The following DNAH17 variants were observed in gnomAD, a reference collection of about 807,000 sequenced individuals.
The protein encoded by DNAH17 is dynein axonemal heavy chain 17.
DNAH17 carries 376 observed loss-of-function variants against 485.6 expected under a neutral mutation model. That is an observed-to-expected ratio of 0.77 (90% CI 0.71 to 0.84). DNAH17 has a LOEUF of 0.84. DNAH17 is among the 40% of genes least tolerant of loss of function. The pLI is 0.00. For synonymous variants in DNAH17, 3,031 were observed against 2,405.9 expected, an observed-to-expected ratio of 1.26 and a Z score of -7.60; for missense variants, 6,370 against 5,839.3, an observed-to-expected ratio of 1.09 and a Z score of -2.96.
rs933030533 is a variant in DNAH17, at chr17:78,552,179, G to A, written c.2287+518C>T. Reference sequence around the variant, plus strand: ...AGAATGTGTGGACCCTTCACCCCACGTAGGAGCCCCAGACTCCTCACGTTA... The same window carrying A: ...AGAATGTGTGGACCCTTCACCCCACATAGGAGCCCCAGACTCCTCACGTTA... On this transcript the variant is annotated intron_variant, in intron 15 of 80. Transcript: ENST00000389840. 5.9e-5 allele frequency among the ~76,000 whole-genome samples: 9 copies of A among 152,270 alleles called. No homozygotes were observed. In the East Asian group the frequency reaches 1.3e-3, roughly 23 times the overall value.
At chr17:78,544,798 CTCAAAAAAA>C (rs2091708196) in intron 16 of DNAH17, among the ~76,000 whole-genome samples, 1 of 14,460 alleles carries the variant, frequency 6.9e-5, no homozygotes. Flanking sequence ...GAGACTCAGT[CTCAAAAAAA>C]AAAAAAAAAA....
At position 78,424,120 on chromosome 17, in the gene DNAH17, G is replaced by T. The variant is rs1383197812; in HGVS notation, c.13175C>A (p.Ala4392Asp). 5.0e-6 allele frequency: 8 copies of T among 1,613,482 alleles called. 1 individual carries two copies. In the East Asian group the frequency reaches 1.3e-4, roughly 27 times the overall value. ...ARWDTQTGVI[A>D]EARLKELTPA... ...GGTCAGCTCTTTCAGCCGCGCTTCA[G>T]CGATGACTCCAGTCTGGGTGTCCCA... is the stretch of plus-strand genomic sequence containing the variant. The change falls in exon 81 of 81, where the codon GCT (alanine) becomes GAT (aspartate). Residue 4392 changes from alanine to aspartate, a missense_variant. Transcript: ENST00000389840.
rs781076509 is a variant in DNAH17, at chr17:78,494,089, G to A, written c.6355C>T (p.Gln2119Ter). The change falls in exon 41 of 81, where the codon CAG becomes TAG. Residue 2119 changes from glutamine (Q) to a stop codon, truncating the protein, a stop_gained. Coordinates refer to ENST00000389840, the MANE Select transcript of DNAH17 (RefSeq NM_173628.4). LOFTEE classifies it high-confidence loss of function. ...LKVVQLEELL[Q>*]VRHSVFIVGN... is the part of the protein sequence containing the mutation. ...ACGATGAACACGGAGTGGCGGACCT[G>A]CAGCAGCTCCTCCAGCTGCACCACC... 28 of 1,612,698 alleles carry A rather than the reference G, an allele frequency of 1.7e-5. No individual in the cohort carries two copies. Among genetic ancestry groups the A allele is most frequent in the Non-Finnish European group, 2.4e-5 (28 of 1,179,832 alleles).
At chr17:78,521,225 G>A (rs1396344374) in intron 25 of DNAH17, among the ~76,000 whole-genome samples, 3 of 152,006 alleles carry the variant, frequency 2.0e-5, no homozygotes, top group African/African-American at 7.2e-5. Flanking sequence ...GGCCAACATG[G>A]CGAAACCCCA....
At chr17:78,473,883 T>C (rs1321539635) in intron 54 of DNAH17, among the ~76,000 whole-genome samples, 3 of 152,178 alleles carry the variant, frequency 2.0e-5, no homozygotes, top group Non-Finnish European at 4.4e-5. Context: ...CAGATACCAA[T>C]GTGAACTAAC....
At chr17:78,503,864 G>A (rs1307254314) in intron 31 of DNAH17, among the ~76,000 whole-genome samples, 3 of 152,040 alleles carry the variant, frequency 2.0e-5, no homozygotes, top group Admixed American at 6.5e-5. Flanking sequence ...TACTCTGGAG[G>A]CTTAGACAGG....
At chr17:78,463,960 G>T (rs985531394) in intron 56 of DNAH17, among the ~76,000 whole-genome samples, 1 of 152,214 alleles carries the variant, frequency 6.6e-6, no homozygotes, top group Admixed American at 6.5e-5. Flanking sequence ...TGCTCCAAGG[G>T]ACACCTTTGA....
Position 78,444,678 on chromosome 17 carries a change from C to T in DNAH17, c.11454G>A (p.Trp3818Ter). ...APEKEIFPKEWKNKTALQKLC... is the reference protein window; with the variant it reads ...APEKEIFPKE ...GCTTCTGCAGGGCCGTCTTGTTCTTCCACTCCTTGGGGAAGATCTCCTTCT... is the reference window on the plus strand; with the variant it reads ...GCTTCTGCAGGGCCGTCTTGTTCTTTCACTCCTTGGGGAAGATCTCCTTCT... Residue 3818 changes from tryptophan (W) to a stop codon, truncating the protein, a stop_gained, in exon 71 of 81, where the codon TGG (tryptophan) becomes TGA (stop). Transcript: ENST00000389840. LOFTEE classifies it high-confidence loss of function. 1.2e-6 allele frequency: 2 copies of T among 1,611,058 alleles called. No homozygotes were observed.
intron 58 of DNAH17, among the ~76,000 whole-genome samples, chr17:78,461,214 A>G (rs1405935035): frequency 6.6e-6 from 1 of 151,846 alleles, no homozygotes; most frequent in Admixed American, 6.6e-5. Flanking sequence ...TTTCGTTACC[A>G]TGCAGGCCCC....
At chr17:78,478,624 T>C (rs1410734685) in intron 51 of DNAH17, among the ~76,000 whole-genome samples, 4 of 114,346 alleles carry the variant, frequency 3.5e-5, no homozygotes, top group African/African-American at 1.6e-4. Flanking sequence ...TCACCCCCAT[T>C]ATTATAATCA....
At chr17:78,478,244 TC>T (rs2089172174) in intron 51 of DNAH17, among the ~76,000 whole-genome samples, 5 of 130,416 alleles carry the variant, frequency 3.8e-5, no homozygotes, top group African/African-American at 6.4e-5. Flanking sequence ...ACCACCATCA[TC>T]ACCACCATCA....
At position 78,434,203 on chromosome 17, in the gene DNAH17, G is replaced by A. The variant is rs1353302767; in HGVS notation, c.12051C>T (p.Cys4017=). 6.2e-7 allele frequency: 1 copy of A among 1,611,286 alleles called. No homozygotes were observed. The highest frequency in any genetic ancestry group is 8.5e-7 in the Non-Finnish European group (1 of 1,178,100). ...DLFTQDTLEM[C]TKEMEFKCML... ...TGCACTTGAACTCCATCTCCTTGGT[G>A]CACATCTCCAGGGTGTCCTGTGGGG... The change falls in exon 75 of 81, where the codon TGC becomes TGT. Residue 4017 remains cysteine, a synonymous_variant. Coordinates refer to ENST00000389840, the MANE Select transcript of DNAH17 (RefSeq NM_173628.4).
chr17:78,487,271 G>T (rs1345543632), intron 44 of DNAH17, among the ~76,000 whole-genome samples: 2 of 152,184 alleles, frequency 1.3e-5, no homozygotes, highest in African/African-American at 4.8e-5. Flanking sequence ...TCTGTAAACA[G>T]GGGTGATGTT....
intron 11 of DNAH17, 118 bp from the exon 12 acceptor site, chr17:78,562,098 A>G (rs2092170305): frequency 2.4e-6 from 3 of 1,232,226 alleles, no homozygotes; most frequent in Non-Finnish European, 3.3e-6. Context: ...GTACCTTGCC[A>G]AAACAAAACA....
At chr17:78,451,432 G>A (rs1378929989) in intron 66 of DNAH17, 37 bp downstream of exon 66, 2 of 1,570,476 alleles carry the variant, frequency 1.3e-6, no homozygotes, top group Non-Finnish European at 1.7e-6. Flanking sequence ...GTGTGGGACG[G>A]CACCTCCTCC....
chr17:78,501,098 G>T, intron 35 of DNAH17, 86 bp downstream of exon 35: 2 of 1,446,688 alleles, frequency 1.4e-6, no homozygotes, highest in Non-Finnish European at 1.9e-6. Flanking sequence ...AGCCTCCACA[G>T]CTGACCTCCA....
chr17:78,445,674 A>T lies in DNAH17; in HGVS notation c.11218T>A (p.Ser3740Thr), dbSNP rs766737864. ...ACTGGGTTCAGCTCCTTCTTCATGG[A>T]CAGGACCTGGGGGAACATCGAGGTG... ...FLAQVTFQVL[S>T]MKKELNPVEL... Residue 3740 changes from serine (S) to threonine (T), a missense_variant, in exon 70 of 81, where the codon TCC (serine) becomes ACC (threonine). Transcript: ENST00000389840. The T allele has an allele frequency of 6.3e-6, 10 of 1,588,844 alleles. No homozygotes were observed. In the South Asian group the frequency reaches 1.2e-4, roughly 18 times the overall value.
intron 48 of DNAH17, chr17:78,484,627 A>G: frequency 3.1e-6 from 1 of 319,724 alleles, no homozygotes; most frequent in Non-Finnish European, 5.8e-6. Flanking sequence ...GAAATGGGTG[A>G]TGGACGAAAC....
chr17:78,510,356 CA>C, intron 27 of DNAH17, 27 bp downstream of exon 27: 1 of 1,609,550 alleles, frequency 6.2e-7, no homozygotes, highest in Non-Finnish European at 8.5e-7. Flanking sequence ...TCCCACGTTG[CA>C]CAGACAGCAC....
Sources: allele counts gnomAD v4.1 joint callset (sites outside exome capture counted in the v4.1 genomes callset), GRCh38; gene constraint gnomAD v4.1.1; transcripts MANE v1.5; gene names NCBI Gene and HGNC (gene_info 2026-07-23, HGNC 2026-07-21).